The following ARID4B variants were observed in gnomAD, a reference collection of about 807,000 sequenced individuals.
ARID4B encodes the protein AT-rich interactive domain-containing protein 4B.
A neutral mutation model predicts 147.5 loss-of-function variants in ARID4B; 26 were observed. That is an observed-to-expected ratio of 0.18 (90% CI 0.13 to 0.24). ARID4B has a LOEUF of 0.24. ARID4B is among the 10% of genes least tolerant of loss of function. The pLI is 1.00. For missense variants in ARID4B, 1,179 were observed against 1,511.5 expected, an observed-to-expected ratio of 0.78 and a Z score of 3.65; for synonymous variants, 512 against 507.9, an observed-to-expected ratio of 1.01 and a Z score of -0.11.
intron 2 of ARID4B, among the ~76,000 whole-genome samples, chr1:235,273,154 C>T (rs887045385): frequency 7.9e-5 from 12 of 152,200 alleles, no homozygotes; most frequent in African/African-American, 2.9e-4. Context: ...TCTCCTGCCT[C>T]AGCCTTCCAA....
chr1:235,220,048 G>C, intron 15 of ARID4B, 80 bp from the exon 16 acceptor site: 2 of 951,054 alleles, frequency 2.1e-6, no homozygotes, highest in Non-Finnish European at 1.5e-6. Flanking sequence ...TTAGCAACAG[G>C]AGGTATCAAC....
At chr1:235,256,369 C>G (rs541016418) in intron 4 of ARID4B, among the ~76,000 whole-genome samples, 1 of 152,238 alleles carries the variant, frequency 6.6e-6, no homozygotes, top group Non-Finnish European at 1.5e-5. Context: ...ATCTGTGAAA[C>G]TGACTGTCCT....
intron 2 of ARID4B, among the ~76,000 whole-genome samples, chr1:235,267,948 C>T (rs1350721375): frequency 1.3e-5 from 2 of 151,954 alleles, no homozygotes; most frequent in African/African-American, 4.8e-5. Context: ...AATATAACTT[C>T]AAAATATTCT....
chr1:235,246,560 C>G (rs371830446), intron 6 of ARID4B, 49 bp from the exon 7 acceptor site: 42 of 1,330,014 alleles, frequency 3.2e-5, no homozygotes, highest in Non-Finnish European at 4.4e-5. Flanking sequence ...TTTGCAAGTG[C>G]CTTCTTTGTT....
chr1:235,187,502 G>C (rs1664779760), intron 19 of ARID4B, among the ~76,000 whole-genome samples: 1 of 152,136 alleles, frequency 6.6e-6, no homozygotes, highest in Non-Finnish European at 1.5e-5. Flanking sequence ...TAGGCTTTAC[G>C]TGATTCATCC....
intron 12 of ARID4B, 61 bp downstream of exon 12, chr1:235,224,636 CTTATTT>C (rs1558220637): frequency 1.1e-5 from 12 of 1,133,350 alleles, no homozygotes; most frequent in Admixed American, 4.3e-5. Context: ...AAATTCTATT[CTTATTT>C]TTAAGATACT....
intron 3 of ARID4B, among the ~76,000 whole-genome samples, chr1:235,258,620 T>C (rs16832501): frequency 0.13 from 19,995 of 152,224 alleles, 1,528 homozygotes; most frequent in African/African-American, 0.2. Context: ...AGAGTTCTTA[T>C]AGGGATTGAA....
At chr1:235,210,432 A>G (rs939000151) in intron 17 of ARID4B, among the ~76,000 whole-genome samples, 1 of 152,106 alleles carries the variant, frequency 6.6e-6, no homozygotes, top group Non-Finnish European at 1.5e-5. Flanking sequence ...CCCTAAAAAT[A>G]AAAGAAAAAT....
intron 17 of ARID4B, among the ~76,000 whole-genome samples, chr1:235,206,475 A>C (rs1666314408): frequency 6.6e-6 from 1 of 152,218 alleles, no homozygotes; most frequent in Admixed American, 6.5e-5. Flanking sequence ...GAAACCAAAA[A>C]AATGTTAAAT....
intron 22 of ARID4B, 133 bp from the exon 23 acceptor site, chr1:235,172,897 T>C (rs1385200461): frequency 5.5e-6 from 4 of 725,886 alleles, no homozygotes; most frequent in Non-Finnish European, 8.4e-6. Context: ...TCTGAAATAT[T>C]TGTTTTCCAA....
chr1:235,200,880 A>C (rs181577677), intron 17 of ARID4B, among the ~76,000 whole-genome samples: 3 of 152,350 alleles, frequency 2.0e-5, no homozygotes, highest in Admixed American at 2.0e-4. Context: ...CCGGTGGCTT[A>C]TGCCTGTAAT....
chr1:235,179,765 A>C (rs1313455652), intron 20 of ARID4B, among the ~76,000 whole-genome samples: 1 of 151,778 alleles, frequency 6.6e-6, no homozygotes, highest in Non-Finnish European at 1.5e-5. Flanking sequence ...ATAAGGATAC[A>C]ACCTCTTAAA....
At chr1:235,312,342 A>G (rs1167040647) in intron 2 of ARID4B, among the ~76,000 whole-genome samples, 2 of 152,220 alleles carry the variant, frequency 1.3e-5, no homozygotes, top group Non-Finnish European at 1.5e-5. Context: ...GCCCATTTCA[A>G]TACAGTCAAA....
At chr1:235,255,265 A>AGATC (rs1239708915) in intron 5 of ARID4B, among the ~76,000 whole-genome samples, 9,624 of 64,300 alleles carry the variant, frequency 0.15, 591 homozygotes, top group South Asian at 0.28. Context: ...ATAGATAGAT[A>AGATC]TATATCTCTC....
intron 2 of ARID4B, among the ~76,000 whole-genome samples, chr1:235,286,573 TA>T (rs1466331618): frequency 6.6e-6 from 1 of 152,158 alleles, no homozygotes; most frequent in African/African-American, 2.4e-5. Flanking sequence ...GGTAATCTAG[TA>T]AAAGAATTCT....
intron 7 of ARID4B, among the ~76,000 whole-genome samples, chr1:235,243,314 T>G (rs1413373281): frequency 6.6e-6 from 1 of 152,060 alleles, no homozygotes; most frequent in Non-Finnish European, 1.5e-5. Context: ...CAGAAAACTG[T>G]TTACACAGGT....
chr1:235,187,353 G>C (rs1423359543), intron 19 of ARID4B, among the ~76,000 whole-genome samples: 1 of 152,172 alleles, frequency 6.6e-6, no homozygotes, highest in African/African-American at 2.4e-5. Context: ...CAAAATGCTG[G>C]AATTACAGGT....
At chr1:235,241,607 C>T (rs1246235815) in intron 7 of ARID4B, among the ~76,000 whole-genome samples, 1 of 152,142 alleles carries the variant, frequency 6.6e-6, no homozygotes, top group Non-Finnish European at 1.5e-5. Context: ...CAAGCTCCGC[C>T]TCCTGGGTTC....
intron 7 of ARID4B, among the ~76,000 whole-genome samples, chr1:235,244,482 TA>T (rs944817373): frequency 2.0e-5 from 3 of 151,988 alleles, no homozygotes; most frequent in African/African-American, 7.2e-5. Context: ...TAACTTGCTT[TA>T]AAAAAAATTT....
Sources: allele counts gnomAD v4.1 joint callset (sites outside exome capture counted in the v4.1 genomes callset), GRCh38; gene constraint gnomAD v4.1.1; transcripts MANE v1.5; gene names NCBI Gene and HGNC (gene_info 2026-07-23, HGNC 2026-07-21).